FAM78B: variants seen among roughly 807,000 people sequenced by gnomAD.
FAM78B encodes the protein family with sequence similarity 78 member B, also known as protein FAM78B.
FAM78B carries 10 observed loss-of-function variants against 20.0 expected under a neutral mutation model. The observed-to-expected ratio is 0.50, with a 90% CI of 0.31 to 0.85. FAM78B has a LOEUF of 0.85. Ranked by LOEUF, FAM78B falls within the 40% of genes least tolerant of loss-of-function variation. The pLI is 0.05. For synonymous variants in FAM78B, 135 were observed against 132.8 expected, an observed-to-expected ratio of 1.02 and a Z score of -0.12; for missense variants, 283 against 345.0, an observed-to-expected ratio of 0.82 and a Z score of 1.42.
downstream of FAM78B, among the ~76,000 whole-genome samples, chr1:166,065,936 T>C (rs1022444760): frequency 2.6e-5 from 4 of 152,190 alleles, no homozygotes; most frequent in African/African-American, 9.7e-5. Context: ...GGTCTCTGTA[T>C]GTGTGTGTGT....
intron 1 of FAM78B, among the ~76,000 whole-genome samples, chr1:166,132,766 C>T (rs1557911969): frequency 6.6e-6 from 1 of 152,308 alleles, no homozygotes; most frequent in East Asian, 1.9e-4. Context: ...AATACTACAT[C>T]AGCTAAGTGT....
In FAM78B at chr1:166,070,478, C is replaced by A. The variant is rs183423307; in HGVS notation, c.549G>T (p.Lys183Asn). Residue 183 changes from lysine to asparagine, a missense_variant, in exon 2 of 2, where the codon AAG becomes AAT. By Grantham distance (94) the Lys-to-Asn change is moderately conservative (BLOSUM62 0). Coordinates refer to ENST00000354422, the MANE Select transcript of FAM78B (RefSeq NM_001017961.5). ...LVAMNTTTKE[K>N]IILQTIKWRM... is the part of the protein sequence containing the mutation. ...TCCACTTGATGGTCTGCAGAATGAT[C>A]TTCTCCTTTGTGGTGGTGTTCATGG... 1.2e-4 allele frequency: 192 copies of A among 1,614,226 alleles called. No homozygotes were observed. The highest frequency in any genetic ancestry group is 1.5e-4 in the Non-Finnish European group (179 of 1,180,034).
At chr1:166,067,327 A>G (rs1057440421), downstream of FAM78B, among the ~76,000 whole-genome samples, 1 of 152,134 alleles carries the variant, frequency 6.6e-6, no homozygotes, top group Non-Finnish European at 1.5e-5. Flanking sequence ...AAAGGACCTG[A>G]TTAAGAAAAC....
chr1:166,065,794 CTG>C (rs1651772190), downstream of FAM78B, among the ~76,000 whole-genome samples: 1 of 152,240 alleles, frequency 6.6e-6, no homozygotes, highest in Non-Finnish European at 1.5e-5. Context: ...GTAAAAATAT[CTG>C]TGTGCACAGA....
chr1:166,093,021 T>C lies in FAM78B; in HGVS notation c.264-22258A>G, dbSNP rs930121225. On this transcript the variant is annotated intron_variant, in intron 1 of 1. Coordinates refer to ENST00000354422, the MANE Select transcript of FAM78B (RefSeq NM_001017961.5). ...ACCTACACTCACACAAATCCACTTATAACAACAATATTAGTTAAGAATATA... is the reference window on the plus strand; with the variant it reads ...ACCTACACTCACACAAATCCACTTACAACAACAATATTAGTTAAGAATATA... Among the ~76,000 whole-genome samples, 5 of 152,146 alleles carry C rather than the reference T, an allele frequency of 3.3e-5. No homozygotes were observed. The East Asian group carries it at 9.6e-4, about 29-fold the overall frequency.
chr1:166,145,468 G>A (rs1010159951), intron 1 of FAM78B, among the ~76,000 whole-genome samples: 7 of 152,168 alleles, frequency 4.6e-5, no homozygotes, highest in East Asian at 1.9e-4. Flanking sequence ...GAAAGAGGGC[G>A]TTTTGATGGG....
intron 2 of FAM78B, among the ~76,000 whole-genome samples, chr1:166,060,984 A>G (rs1651575161): frequency 6.6e-6 from 1 of 152,196 alleles, no homozygotes. Flanking sequence ...GAGACCCCCA[A>G]TGGCATTGTT....
intron 1 of FAM78B, among the ~76,000 whole-genome samples, chr1:166,117,956 G>A (rs1391218893): frequency 1.3e-5 from 2 of 152,178 alleles, no homozygotes; most frequent in African/African-American, 4.8e-5. Context: ...GCAATTGGGA[G>A]GGGCGGGGGT....
Position 166,095,175 on chromosome 1 carries a change from G to C in FAM78B, c.264-24412C>G, listed in dbSNP as rs538605708. On this transcript the variant is annotated intron_variant, in intron 1 of 1. Coordinates refer to ENST00000354422, the MANE Select transcript of FAM78B (RefSeq NM_001017961.5). ...CTGCCCTCAGAGGCTTGGAAGGTCC[G>C]TCCTCAGGGTGGTTGCATTTCCCCG... Among the ~76,000 whole-genome samples the C allele has an allele frequency of 3.3e-5, 5 of 152,220 alleles. No individual in the cohort carries two copies. The South Asian group carries it at 8.3e-4, about 25-fold the overall frequency.
intron 1 of FAM78B, among the ~76,000 whole-genome samples, chr1:166,158,422 G>A (rs983772361): frequency 1.3e-5 from 2 of 152,210 alleles, no homozygotes; most frequent in Non-Finnish European, 2.9e-5. Context: ...TGCTGGCCAT[G>A]AGGCCTTGAG....
intron 1 of FAM78B, among the ~76,000 whole-genome samples, chr1:166,079,792 T>G (rs1223719731): frequency 1.3e-5 from 2 of 152,160 alleles, no homozygotes; most frequent in African/African-American, 4.8e-5. Context: ...AACTTATAAA[T>G]ACTGAGAAAT....
chr1:166,075,609 G>A (rs1235340163), intron 1 of FAM78B, among the ~76,000 whole-genome samples: 1 of 152,190 alleles, frequency 6.6e-6, no homozygotes, highest in African/African-American at 2.4e-5. Flanking sequence ...TCTGGAGCAT[G>A]GTGTCTGGCA....
chr1:166,138,207 T>C (rs958517871), intron 1 of FAM78B, among the ~76,000 whole-genome samples: 1 of 152,030 alleles, frequency 6.6e-6, no homozygotes, highest in Non-Finnish European at 1.5e-5. Context: ...CTCATGTCTG[T>C]CTCCTACTTC....
At chr1:166,123,881 T>A (rs1193247838) in intron 1 of FAM78B, among the ~76,000 whole-genome samples, 2 of 152,142 alleles carry the variant, frequency 1.3e-5, no homozygotes, top group African/African-American at 4.8e-5. Flanking sequence ...CCAGCTTGGG[T>A]CGCATGCCCA....
chr1:166,057,409 A>AT (rs1416601999), downstream of FAM78B: 1 of 152,224 alleles, frequency 6.6e-6, no homozygotes, highest in Admixed American at 6.5e-5. Context: ...TGAGGACAAA[A>AT]TTAAAGAGAA....
chr1:166,098,784 A>G (rs1367628261), intron 1 of FAM78B, among the ~76,000 whole-genome samples: 1 of 152,164 alleles, frequency 6.6e-6, no homozygotes, highest in African/African-American at 2.4e-5. Context: ...TTCCTGAGGA[A>G]AAAGATAATT....
chr1:166,071,847 G>GA (rs1274331178), intron 1 of FAM78B, among the ~76,000 whole-genome samples: 1 of 152,066 alleles, frequency 6.6e-6, no homozygotes, highest in Non-Finnish European at 1.5e-5. Flanking sequence ...AGCGCTGGAG[G>GA]GAGTTAGAAT....
intron 2 of FAM78B, among the ~76,000 whole-genome samples, chr1:166,064,175 C>G (rs886664158): frequency 2.0e-5 from 3 of 152,088 alleles, no homozygotes; most frequent in African/African-American, 7.2e-5. Context: ...ATATATGCCT[C>G]CAGTGTGGTG....
rs1418206307 is a variant in FAM78B at position 166,070,530 on chromosome 1, T to C, written c.497A>G (p.Asp166Gly). 6.2e-7 allele frequency: 1 copy of C among 1,613,928 alleles called. No homozygotes were observed. The highest frequency in any genetic ancestry group is 1.3e-5 in the African/African-American group (1 of 74,920). The change falls in exon 2 of 2, where the codon GAC becomes GGC. Residue 166 changes from aspartate (D) to glycine (G), a missense_variant. By Grantham distance (94) the Asp-to-Gly change is moderately conservative. Transcript: ENST00000354422. Reference sequence around the variant, plus strand: ...CACCAGCCAGGTCGTGAAACTTTGGTCTCTCTTGATTCTTGTGAGCAGTGG... The same window carrying C: ...CACCAGCCAGGTCGTGAAACTTTGGCCTCTCTTGATTCTTGTGAGCAGTGG... ...NVPLLTRIKR[D>G]QSFTTWLVAM...
Sources: gnomAD v4.1 joint callset for allele counts (sites outside exome capture counted in the v4.1 genomes callset) on GRCh38, gnomAD v4.1.1 for gene constraint, MANE v1.5 for transcripts, NCBI Gene and HGNC (gene_info 2026-07-23, HGNC 2026-07-21) for gene names.